The following GMPR variants were observed in gnomAD, a reference collection of about 807,000 sequenced individuals.
GMPR encodes the protein GMP reductase 1.
A neutral mutation model predicts 38.4 loss-of-function variants in GMPR; 31 were observed. The observed-to-expected ratio is 0.81, with a 90% CI of 0.61 to 1.09. The LOEUF is 1.09. GMPR is among the 50% of genes least tolerant of loss of function. GMPR has a pLI of 0.00. For missense variants in GMPR, 468 were observed against 453.7 expected, an observed-to-expected ratio of 1.03 and a Z score of -0.29; for synonymous variants, 162 against 173.3, an observed-to-expected ratio of 0.93 and a Z score of 0.51.
At chr6:16,246,078 G>A (rs1035547834) in intron 1 of GMPR, among the ~76,000 whole-genome samples, 1 of 152,240 alleles carries the variant, frequency 6.6e-6, no homozygotes, top group African/African-American at 2.4e-5. Flanking sequence ...TGGGCAGACA[G>A]GCTGGCATCT....
intron 1 of GMPR, among the ~76,000 whole-genome samples, chr6:16,239,310 TG>T (rs1758599444): frequency 6.6e-6 from 1 of 152,130 alleles, no homozygotes; most frequent in Admixed American, 6.5e-5. Flanking sequence ...TTGCTGGCAG[TG>T]GGGCTTGGGG....
chr6:16,295,079 G>A lies in GMPR; in HGVS notation c.931G>A (p.Gly311Arg), dbSNP rs1238881708. Residue 311 changes from glycine to arginine, a missense_variant, in exon 9 of 9, where the codon GGA becomes AGA. By Grantham distance (125) the Gly-to-Arg change is moderately radical. Transcript: ENST00000259727. Reference protein sequence around the residue: ...VENTILDILGGLRSTCTYVGA... With the variant: ...VENTILDILGRLRSTCTYVGA... ...AAACACTATCCTGGATATTCTCGGG[G>A]GACTGAGGTCCACGTGCACCTACGT... 3 of 1,600,732 alleles carry A rather than the reference G, an allele frequency of 1.9e-6. No individual in the cohort carries two copies. The highest frequency in any genetic ancestry group is 2.6e-6 in the Non-Finnish European group (3 of 1,175,234).
chr6:16,244,255 C>T (rs562961652), intron 1 of GMPR, among the ~76,000 whole-genome samples: 2 of 147,124 alleles, frequency 1.4e-5, no homozygotes, highest in South Asian at 4.3e-4. Context: ...TCTTGTCACT[C>T]AGGCTGGCAT....
intron 4 of GMPR, among the ~76,000 whole-genome samples, chr6:16,266,226 G>A (rs1581656197): frequency 1.3e-5 from 2 of 151,114 alleles, no homozygotes; most frequent in South Asian, 2.1e-4. Flanking sequence ...AATGAAGAAC[G>A]CCGCGCGCAC....
At chr6:16,248,289 T>A in intron 2 of GMPR, among the ~76,000 whole-genome samples, 1 of 145,864 alleles carries the variant, frequency 6.9e-6, no homozygotes, top group East Asian at 2.0e-4. Context: ...TGAGAAGTAC[T>A]GTTTGTTAAA....
chr6:16,238,647 GC>G lies in GMPR; in HGVS notation c.-42del. The G allele has an allele frequency of 4.4e-6, 4 of 902,020 alleles. No individual in the cohort carries two copies. Among genetic ancestry groups the G allele is most frequent in the South Asian group, 3.7e-5 (1 of 27,124 alleles). 55.9% of individuals were successfully genotyped at this position (902,020 alleles called of 1,614,324 possible). On this transcript the variant is annotated 5_prime_UTR_variant, in exon 1 of 9. Coordinates refer to ENST00000259727, the MANE Select transcript of GMPR (RefSeq NM_006877.4). ...GCTCCCCGCGCCGCCCCGCGCAGGC[GC>G]CCCCGCCCCGCCGTCGCCGCCGCCG... is the stretch of plus-strand genomic sequence containing the variant.
intron 6 of GMPR, among the ~76,000 whole-genome samples, chr6:16,283,378 C>T (rs1421061802): frequency 1.3e-5 from 2 of 152,022 alleles, no homozygotes; most frequent in South Asian, 2.1e-4. Flanking sequence ...CACTGCTTCC[C>T]GAGAACATGA....
At chr6:16,275,727 G>T (rs1354434282) in intron 5 of GMPR, among the ~76,000 whole-genome samples, 1 of 152,152 alleles carries the variant, frequency 6.6e-6, no homozygotes, top group Non-Finnish European at 1.5e-5. Context: ...ACTCTTTTTA[G>T]TCCCAAAGGC....
chr6:16,253,525 A>G (rs1264342152), intron 3 of GMPR, among the ~76,000 whole-genome samples: 2 of 152,186 alleles, frequency 1.3e-5, no homozygotes, highest in African/African-American at 2.4e-5. Flanking sequence ...CTGTGAACTC[A>G]GACCGAGAGA....
At chr6:16,249,636 T>G (rs924519817) in intron 2 of GMPR, among the ~76,000 whole-genome samples, 1 of 152,184 alleles carries the variant, frequency 6.6e-6, no homozygotes. Flanking sequence ...TTAAACTGCT[T>G]AAGCTCCATT....
intron 4 of GMPR, among the ~76,000 whole-genome samples, chr6:16,268,754 T>C (rs1341413254): frequency 6.6e-6 from 1 of 152,102 alleles, no homozygotes; most frequent in African/African-American, 2.4e-5. Flanking sequence ...GTACAGAATT[T>C]CAGTTTGAGA....
At chr6:16,285,518 A>C (rs1156691912) in intron 6 of GMPR, among the ~76,000 whole-genome samples, 4 of 152,180 alleles carry the variant, frequency 2.6e-5, no homozygotes, top group African/African-American at 9.7e-5. Context: ...TCTGCAACAG[A>C]AGTGTCTGAG....
At chr6:16,289,747 T>C (rs1198718208) in intron 7 of GMPR, among the ~76,000 whole-genome samples, 1 of 150,928 alleles carries the variant, frequency 6.6e-6, no homozygotes. Context: ...TGTCAGAGTG[T>C]GGAGAGCTTC....
At chr6:16,241,063 A>G (rs1758639434) in intron 1 of GMPR, among the ~76,000 whole-genome samples, 1 of 152,040 alleles carries the variant, frequency 6.6e-6, no homozygotes, top group African/African-American at 2.4e-5. Context: ...GAAATTTTTC[A>G]CAGGCAGATA....
intron 1 of GMPR, among the ~76,000 whole-genome samples, chr6:16,240,333 G>A (rs9477071): frequency 0.25 from 38,332 of 152,046 alleles, 5,642 homozygotes; most frequent in East Asian, 0.58. Context: ...CCAGGAGTTC[G>A]AGGCCAGCCT....
intron 3 of GMPR, among the ~76,000 whole-genome samples, chr6:16,250,739 G>C (rs1322963518): frequency 6.6e-6 from 1 of 152,102 alleles, no homozygotes; most frequent in Non-Finnish European, 1.5e-5. Flanking sequence ...CAGGATGGCT[G>C]TCATCAAAAA....
chr6:16,248,601 C>T (rs1304543030), intron 2 of GMPR, among the ~76,000 whole-genome samples: 2 of 152,098 alleles, frequency 1.3e-5, no homozygotes, highest in African/African-American at 2.4e-5. Context: ...TATGAGCTCC[C>T]AAAATGGAGT....
intron 6 of GMPR, among the ~76,000 whole-genome samples, chr6:16,280,921 T>C (rs1002275808): frequency 1.3e-5 from 2 of 152,186 alleles, no homozygotes; most frequent in African/African-American, 4.8e-5. Flanking sequence ...TCTGAACATA[T>C]TCTGAGATCC....
intron 6 of GMPR, among the ~76,000 whole-genome samples, chr6:16,281,658 C>T (rs1759576477): frequency 1.4e-5 from 2 of 143,140 alleles, no homozygotes; most frequent in African/African-American, 5.3e-5. Flanking sequence ...GCACGCGCCA[C>T]CACGCTCAGC....
Sources: gnomAD v4.1 joint callset for allele counts (sites outside exome capture counted in the v4.1 genomes callset) on GRCh38, gnomAD v4.1.1 for gene constraint, MANE v1.5 for transcripts, NCBI Gene and HGNC (gene_info 2026-07-23, HGNC 2026-07-21) for gene names.